MAZ: variants seen among roughly 807,000 people sequenced by gnomAD.
MAZ encodes MYC associated zinc finger protein, also known as myc-associated zinc finger protein.
MAZ carries 4 observed loss-of-function variants against 32.7 expected under a neutral mutation model. The ratio of observed to expected loss-of-function variants is 0.12; its 90% CI spans 0.06 to 0.28. The LOEUF is 0.28. Among genes scored for constraint, MAZ ranks in the 10% least tolerant of loss-of-function variants. The probability of loss-of-function intolerance (pLI) is 1.00; values close to 1 mark genes in which losing one functional copy is unlikely to be tolerated. For synonymous variants in MAZ, 510 were observed against 297.6 expected (o/e 1.71, Z -7.35); for missense variants, 763 against 667.2 (o/e 1.14, Z -1.58).
In MAZ at chr16:29,810,639, C is replaced by A. The variant is rs1251310510; in HGVS notation, c.*408C>A. The A allele has an allele frequency of 5.0e-6, 3 of 605,432 alleles. No individual in the cohort carries two copies. Among genetic ancestry groups the A allele is most frequent in the Non-Finnish European group, 8.9e-6 (3 of 338,286 alleles). 37.5% of individuals were successfully genotyped at this position (605,432 alleles called of 1,614,324 possible). A position where few individuals can be genotyped will look rare whatever the true frequency, so the allele number is the denominator to read the frequency against. ...CCCCCTGCTGTCTGCAGCCCCTCCC[C>A]GGGGAGTTGGTGCTTTCTTTTCCTT... is the stretch of plus-strand genomic sequence containing the variant. On this transcript the variant is annotated 3_prime_UTR_variant, in exon 5 of 5. Transcript: ENST00000322945.
At chr16:29,808,100 G>A in intron 2 of MAZ, 130 bp from the exon 3 acceptor site, 1 of 1,000,238 alleles carries the variant, frequency 1.0e-6, no homozygotes. Context: ...GGGATTTCCT[G>A]CTTAAGTGTC....
At chr16:29,809,728 C>T (rs757013183) in intron 4 of MAZ, 2 of 1,462,042 alleles carry the variant, frequency 1.4e-6, no homozygotes, top group Non-Finnish European at 9.0e-7. Context: ...CCCCCAGCCA[C>T]AGCCCACCTG....
chr16:29,808,837 G>A, intron 4 of MAZ, 96 bp downstream of exon 4: 1 of 1,289,550 alleles, frequency 7.8e-7, no homozygotes, highest in South Asian at 1.4e-5. Context: ...CTGTAGCCAA[G>A]AGCTCGTGGC....
At chr16:29,809,087 T>C (rs1899745633) in intron 4 of MAZ, 4 of 517,756 alleles carry the variant, frequency 7.7e-6, no homozygotes, top group South Asian at 2.9e-5. Flanking sequence ...TGTCTCCAGC[T>C]CCTGGGGCAG....
intron 4 of MAZ, chr16:29,809,051 G>A (rs1899742991): frequency 5.6e-6 from 3 of 537,240 alleles, no homozygotes; most frequent in African/African-American, 1.9e-5. Flanking sequence ...ACAAGGCAAG[G>A]TTTCCGCTGC....
Position 29,809,528 on chromosome 16 carries a change from AC to A in MAZ, c.1280-543del, listed in dbSNP as rs761329003. The A allele has an allele frequency of 2.2e-5, 31 of 1,434,980 alleles. No individual in the cohort carries two copies. In the East Asian group the frequency reaches 2.2e-4, roughly 10 times the overall value. 88.9% of individuals were successfully genotyped at this position (1,434,980 alleles called of 1,614,324 possible). ...GCTGACCCCCGCCCCATCCCAATCCACCCCCCAATAGGCTTCACCACGGCAG... is the reference window on the plus strand; with the variant it reads ...GCTGACCCCCGCCCCATCCCAATCCACCCCCAATAGGCTTCACCACGGCAG... On this transcript the variant is annotated intron_variant, in intron 4 of 4. Transcript: ENST00000322945.
rs866890919 is a variant in MAZ, at chr16:29,807,467, C to T, written c.682C>T (p.Pro228Ser). ...GRVPSGAMKM[P>S]TMVPLSLLSV... The stretch of plus-strand genomic sequence containing the variant: ...GGTCCCCTCGGGTGCTATGAAGATG[C>T]CGACCATGGTGCCCCTGAGCCTCCT... The change falls in exon 2 of 5, where the codon CCG becomes TCG. Residue 228 changes from proline (P) to serine (S), a missense_variant. Coordinates refer to ENST00000322945, the MANE Select transcript of MAZ (RefSeq NM_002383.4). The T allele has an allele frequency of 1.2e-6, 2 of 1,612,206 alleles. No individual in the cohort carries two copies.
rs1371441800 is a variant in MAZ at position 29,810,338 on chromosome 16, G to C, written c.*107G>C. The C allele has an allele frequency of 7.8e-6, 9 of 1,154,656 alleles. No individual in the cohort carries two copies. In the East Asian group the frequency reaches 1.5e-4, roughly 20 times the overall value. 71.5% of individuals were successfully genotyped at this position (1,154,656 alleles called of 1,614,324 possible). ...AACTCCTATTTCCCTACCAACCAAG[G>C]AGCCTCCAGAAGGAAAGGAGGAAGA... On this transcript the variant is annotated 3_prime_UTR_variant, in exon 5 of 5. Coordinates refer to ENST00000322945, the MANE Select transcript of MAZ (RefSeq NM_002383.4).
At chr16:29,809,498 G>A (rs769808126) in intron 4 of MAZ, 2 of 1,244,972 alleles carry the variant, frequency 1.6e-6, no homozygotes, top group Non-Finnish European at 2.3e-6. Context: ...TGGGGTCTCC[G>A]CCTGGCTGAC....
chr16:29,807,914 A>T, intron 2 of MAZ, 86 bp downstream of exon 2: 1 of 1,540,884 alleles, frequency 6.5e-7, no homozygotes, highest in Non-Finnish European at 8.7e-7. Flanking sequence ...GCGGGGAGGG[A>T]GGCGGCTGCT....
rs1295438999 is a variant in MAZ, at chr16:29,807,016, G to T, written c.231G>T (p.Ala77=). Residue 77 remains alanine, a synonymous_variant, in exon 2 of 5, where the codon GCG becomes GCT. Coordinates refer to ENST00000322945, the MANE Select transcript of MAZ (RefSeq NM_002383.4). The part of the protein sequence containing the change: ...PAPPPTPQAP[A]AEPLQVDLLP... The stretch of plus-strand genomic sequence containing the variant: ...CCCCGCCCACGCCCCAGGCCCCGGC[G>T]GCCGAGCCCCTCCAGGTGGACTTGC... 5 of 1,005,346 alleles carry T rather than the reference G, an allele frequency of 5.0e-6. No homozygotes were observed. The African/African-American group carries it at 5.3e-5, about 11-fold the overall frequency. 62.3% of individuals were successfully genotyped at this position (1,005,346 alleles called of 1,614,324 possible). A position where few individuals can be genotyped will look rare whatever the true frequency, so the allele number is the denominator to read the frequency against.
rs775622770 is a variant in MAZ, at chr16:29,806,869, G to C, written c.168G>C (p.Gln56His). The change falls in exon 1 of 5, where the codon CAG becomes CAC. Residue 56 changes from glutamine (Q) to histidine (H), a missense_variant. Coordinates refer to ENST00000322945, the MANE Select transcript of MAZ (RefSeq NM_002383.4). Reference protein sequence around the residue: ...AELQSRFFASQGCAQSPFQAA... With the variant: ...AELQSRFFASHGCAQSPFQAA... The stretch of plus-strand genomic sequence containing the variant: ...TCCAGTCCCGCTTCTTTGCCTCCCA[G>C]GGCTGCGCCCAGAGTCCATTCCAGG... The C allele has an allele frequency of 6.9e-7, 1 of 1,439,232 alleles. No individual in the cohort carries two copies. 89.2% of individuals were successfully genotyped at this position (1,439,232 alleles called of 1,614,324 possible). A position where few individuals can be genotyped will look rare whatever the true frequency, so the allele number is the denominator to read the frequency against.
rs377214568 is a variant in MAZ, at chr16:29,808,705, C to G, written c.1243C>G (p.Gln415Glu). 5.3e-5 allele frequency: 85 copies of G among 1,613,854 alleles called. No individual in the cohort carries two copies. Among genetic ancestry groups the G allele is most frequent in the Non-Finnish European group, 6.9e-5 (81 of 1,179,996 alleles). ...TTCGGACCACATGAAGGTGCACAGC[C>G]AGGGTCCTCACCATGTCTGTGAGCT... is the stretch of plus-strand genomic sequence containing the variant. ...YISDHMKVHS[Q>E]GPHHVCELCN... Residue 415 changes from glutamine to glutamate, a missense_variant, in exon 4 of 5, where the codon CAG becomes GAG. By Grantham distance (29) the Gln-to-Glu change is conservative. Transcript: ENST00000322945.
intron 4 of MAZ, chr16:29,809,680 C>T: frequency 1.9e-6 from 3 of 1,545,890 alleles, no homozygotes; most frequent in Non-Finnish European, 8.7e-7. Flanking sequence ...CATGCAGACC[C>T]ATCTGGGGGG....
At position 29,808,222 on chromosome 16, in the gene MAZ, G is replaced by A; in HGVS notation, c.1044-8G>A. ...TCCGCCCTAACCCCAACCCCAACGTGTCCCCAGGCCGGATCACCTCAACAG... is the reference window on the plus strand; with the variant it reads ...TCCGCCCTAACCCCAACCCCAACGTATCCCCAGGCCGGATCACCTCAACAG... On this transcript the variant is annotated splice_polypyrimidine_tract_variant and splice_region_variant and intron_variant, in intron 2 of 4. Transcript: ENST00000322945. The A allele has an allele frequency of 6.2e-7, 1 of 1,613,628 alleles. No homozygotes were observed. The highest frequency in any genetic ancestry group is 8.5e-7 in the Non-Finnish European group (1 of 1,179,654).
chr16:29,810,214 C>G lies in MAZ; in HGVS notation c.1417C>G (p.Pro473Ala), dbSNP rs553191934. ...EGVPVSSQPL[P>A]SQPW ...GGTGCCTGTGAGCTCTCAGCCACTTCCCTCCCAACCCTGGTGAGCTCCAAG... is the reference window on the plus strand; with the variant it reads ...GGTGCCTGTGAGCTCTCAGCCACTTGCCTCCCAACCCTGGTGAGCTCCAAG... The change falls in exon 5 of 5, where the codon CCC becomes GCC. Residue 473 changes from proline to alanine, a missense_variant. Coordinates refer to ENST00000322945, the MANE Select transcript of MAZ (RefSeq NM_002383.4). 1 of 1,594,210 alleles carries G rather than the reference C, an allele frequency of 6.3e-7. No individual in the cohort carries two copies. Among genetic ancestry groups the G allele is most frequent in the Non-Finnish European group, 8.5e-7 (1 of 1,170,324 alleles).
chr16:29,807,690 C>T lies in MAZ; in HGVS notation c.905C>T (p.Ser302Leu). 1.9e-6 allele frequency: 3 copies of T among 1,612,954 alleles called. No individual in the cohort carries two copies. The highest frequency in any genetic ancestry group is 2.5e-6 in the Non-Finnish European group (3 of 1,179,974). ...CTGAACCGACACAAGCTGTCGCACT[C>T]GGACGAGAAGCCCTACCAGTGCCCG... ...YHLNRHKLSH[S>L]DEKPYQCPVC... Residue 302 changes from serine to leucine, a missense_variant, in exon 2 of 5, where the codon TCG (serine) becomes TTG (leucine). Ser to Leu is a moderately radical substitution (Grantham distance 145, BLOSUM62 -2). Transcript: ENST00000322945.
At chr16:29,808,018 G>T in intron 2 of MAZ, 190 bp downstream of exon 2, 2 of 1,199,730 alleles carry the variant, frequency 1.7e-6, no homozygotes, top group Non-Finnish European at 2.3e-6. Flanking sequence ...GAGGAGGTGG[G>T]CCTTGGGGTT....
intron 3 of MAZ, 100 bp from the exon 4 acceptor site, chr16:29,808,470 C>T (rs889291800): frequency 3.9e-6 from 4 of 1,017,196 alleles, no homozygotes; most frequent in Non-Finnish European, 4.5e-6. Flanking sequence ...GATCAAAGAT[C>T]CCCAAGGCTC....
Sources: allele counts gnomAD v4.1 joint callset, GRCh38; gene constraint gnomAD v4.1.1; transcripts MANE v1.5; gene names NCBI Gene and HGNC (gene_info 2026-07-23, HGNC 2026-07-21).